Variants in DRC3 observed in about 807,000 individuals in gnomAD.
The protein encoded by DRC3 is dynein regulatory complex subunit 3, also known as leucine rich repeat containing 48.
A neutral mutation model predicts 57.6 loss-of-function variants in DRC3; 45 were observed. That is an observed-to-expected ratio of 0.78 (90% CI 0.62 to 1.00). The LOEUF (loss-of-function observed/expected upper bound fraction) is 1.00. Among genes scored for constraint, DRC3 ranks in the 50% least tolerant of loss-of-function variants. DRC3 has a pLI of 0.00. For synonymous variants in DRC3, 257 were observed against 272.3 expected, an observed-to-expected ratio of 0.94 and a Z score of 0.55; for missense variants, 655 against 675.2, an observed-to-expected ratio of 0.97 and a Z score of 0.33.
At chr17:18,011,596 T>C in intron 12 of DRC3, 1 of 169,408 alleles carries the variant, frequency 5.9e-6, no homozygotes, top group Middle Eastern at 2.6e-3. Flanking sequence ...GCTGCTGATG[T>C]CCAGTATTGA....
chr17:17,982,015 A>T (rs2042715607), intron 3 of DRC3, among the ~76,000 whole-genome samples: 2 of 149,672 alleles, frequency 1.3e-5, no homozygotes, highest in South Asian at 4.2e-4. Flanking sequence ...TTTTTTTTTA[A>T]ACAGTCTCAC....
At chr17:17,983,381 C>G (rs1418603548) in intron 3 of DRC3, among the ~76,000 whole-genome samples, 1 of 152,208 alleles carries the variant, frequency 6.6e-6, no homozygotes, top group Non-Finnish European at 1.5e-5. Context: ...TCCAAAAAGG[C>G]TGAATGAGGC....
At chr17:17,994,222 T>G in intron 6 of DRC3, 77 bp from the exon 7 acceptor site, 1 of 1,530,760 alleles carries the variant, frequency 6.5e-7, no homozygotes, top group Non-Finnish European at 8.8e-7. Context: ...GGCTGCAGCA[T>G]GGCAGAGGCG....
At chr17:18,009,242 C>T (rs2044087375) in intron 12 of DRC3, among the ~76,000 whole-genome samples, 1 of 152,036 alleles carries the variant, frequency 6.6e-6, no homozygotes, top group Non-Finnish European at 1.5e-5. Context: ...AGCGAGACCC[C>T]CTCTCTACAA....
chr17:17,973,603 A>T (rs2042239625), intron 1 of DRC3: 1 of 150,152 alleles, frequency 6.7e-6, no homozygotes, highest in African/African-American at 2.5e-5. Flanking sequence ...ATTCTTTTTT[A>T]AGAAAAATTT....
chr17:18,004,805 GCACCCC>G, intron 10 of DRC3: 1 of 282,818 alleles, frequency 3.5e-6, no homozygotes, highest in South Asian at 5.8e-5. Context: ...AAGGCAAAGC[GCACCCC>G]CACTTGGGGA....
chr17:18,001,161 A>G (rs1310929934), intron 9 of DRC3, among the ~76,000 whole-genome samples: 3 of 152,022 alleles, frequency 2.0e-5, no homozygotes, highest in Non-Finnish European at 2.9e-5. Context: ...ACCAAATTTA[A>G]TAAGTTCTCA....
rs2044138875 is a variant in DRC3 at position 18,010,759 on chromosome 17, A to G, written c.1326+3612A>G. 4 of 249,322 alleles carry G rather than the reference A, an allele frequency of 1.6e-5. No individual in the cohort carries two copies. In the South Asian group the frequency reaches 1.6e-4, roughly 10 times the overall value. The allele number at this position is 249,322 out of a possible 1,614,324, so 15.4% of individuals were successfully genotyped here. On this transcript the variant is annotated intron_variant, in intron 12 of 13. Coordinates refer to ENST00000399187, the MANE Select transcript of DRC3 (RefSeq NM_031294.4). ...GTGGCCATAGTCAGGGCAGGGGCTG[A>G]GGCTGCGGGGAGCTCTCAGAGGCAA...
At chr17:17,977,811 C>T (rs1448523723) in intron 3 of DRC3, 53 bp downstream of exon 3, 11 of 1,509,936 alleles carry the variant, frequency 7.3e-6, no homozygotes, top group African/African-American at 1.4e-5. Context: ...CCCTGGCTTT[C>T]TCTGCTCCAT....
chr17:18,007,429 C>T, intron 12 of DRC3: 1 of 1,551,532 alleles, frequency 6.4e-7, no homozygotes, highest in Non-Finnish European at 8.7e-7. Context: ...TATGTGGAGG[C>T]TTCTGGCACT....
At chr17:18,014,821 C>T (rs914507030) in intron 12 of DRC3, among the ~76,000 whole-genome samples, 1 of 152,238 alleles carries the variant, frequency 6.6e-6, no homozygotes, top group Admixed American at 6.5e-5. Context: ...AGGCTTTACA[C>T]ACCTTTGAAC....
At chr17:18,001,510 G>GA (rs1159037535) in intron 9 of DRC3, among the ~76,000 whole-genome samples, 6 of 151,532 alleles carry the variant, frequency 4.0e-5, no homozygotes, top group Admixed American at 2.0e-4. Context: ...CTCAAAAAAA[G>GA]AAAAAAAATG....
chr17:18,006,946 C>G, intron 11 of DRC3, 78 bp from the exon 12 acceptor site: 2 of 1,585,028 alleles, frequency 1.3e-6, no homozygotes, highest in South Asian at 2.3e-5. Context: ...CCCTTAAAGT[C>G]TGTCTCCCGC....
chr17:18,015,925 G>A (rs1001837439), intron 12 of DRC3, 139 bp from the exon 13 acceptor site: 14 of 814,342 alleles, frequency 1.7e-5, no homozygotes, highest in Admixed American at 2.5e-5. Flanking sequence ...GGCAGAGTGC[G>A]CTGATACAAA....
At chr17:17,973,357 GGTACT>G (rs2042223236) in intron 1 of DRC3, among the ~76,000 whole-genome samples, 1 of 152,078 alleles carries the variant, frequency 6.6e-6, no homozygotes, top group Admixed American at 6.5e-5. Context: ...ATTTCATCTT[GGTACT>G]GTATATACCG....
Position 17,973,935 on chromosome 17 carries a change from C to G in DRC3, c.-45C>G, listed in dbSNP as rs768544792. The G allele has an allele frequency of 3.9e-5, 6 of 152,284 alleles. No homozygotes were observed. The highest frequency in any genetic ancestry group is 8.8e-5 in the Non-Finnish European group (6 of 68,058). 9.4% of individuals were successfully genotyped at this position (152,284 alleles called of 1,614,324 possible). ...CTGCTGCTTTCCCCAGCTCCAACCT[C>G]TCTGGTCTTCAACAACACTATCATC... On this transcript the variant is annotated 5_prime_UTR_variant, in exon 2 of 14. Transcript: ENST00000399187.
intron 3 of DRC3, 119 bp from the exon 4 acceptor site, chr17:17,983,709 T>C (rs1055003197): frequency 1.5e-6 from 1 of 681,316 alleles, no homozygotes; most frequent in Non-Finnish European, 2.6e-6. Flanking sequence ...GCCTGCGTAC[T>C]CCAGGGCAGG....
rs1568536314 is a variant in DRC3, at chr17:18,007,146, CG to C, written c.1326+1del. 1.1e-6 allele frequency: 1 copy of C among 877,802 alleles called. No homozygotes were observed. The highest frequency in any genetic ancestry group is 1.4e-6 in the Non-Finnish European group (1 of 729,856). 54.4% of individuals were successfully genotyped at this position (877,802 alleles called of 1,614,324 possible). On this transcript the variant is annotated frameshift_variant and splice_region_variant, in exon 12 of 14. Transcript: ENST00000399187. LOFTEE classifies it high-confidence loss of function. The stretch of plus-strand genomic sequence containing the variant: ...GAGGACCTGCCTAACGACCTGCGCG[CG>C]GTAGGCGGGGCGGGCTGCTCGGAGC... ...LDEDLPNDLR[A>X]LFVDKDTIVN...
At chr17:17,979,296 T>C (rs537196579) in intron 3 of DRC3, among the ~76,000 whole-genome samples, 1 of 152,264 alleles carries the variant, frequency 6.6e-6, no homozygotes, top group East Asian at 1.9e-4. Flanking sequence ...TGTTTGGCTC[T>C]TACAGTGAGT....
Sources: gnomAD v4.1 joint callset for allele counts (sites outside exome capture counted in the v4.1 genomes callset) on GRCh38, gnomAD v4.1.1 for gene constraint, MANE v1.5 for transcripts, NCBI Gene and HGNC (gene_info 2026-07-23, HGNC 2026-07-21) for gene names.